TENM2: variants seen among roughly 807,000 people sequenced by gnomAD.
TENM2 encodes teneurin transmembrane protein 2.
Under a neutral mutation model 245.2 loss-of-function variants are expected in TENM2, and 52 were observed. That is an observed-to-expected ratio of 0.21 (90% confidence interval 0.17 to 0.27). The LOEUF (loss-of-function observed/expected upper bound fraction) is 0.27, where lower values mean the gene tolerates loss of function less well. Among genes scored for constraint, TENM2 ranks in the 10% least tolerant of loss-of-function variants. The pLI is 1.00. For missense variants in TENM2, 3,046 were observed against 3,666.8 expected, an observed-to-expected ratio of 0.83 and a Z score of 4.37; for synonymous variants, 1,363 against 1,438.9, an observed-to-expected ratio of 0.95 and a Z score of 1.19.
the TENM2 span, among the ~76,000 whole-genome samples, chr5:167,219,972 G>T: frequency 3.7e-4 from 57 of 152,256 alleles, no homozygotes; most frequent in African/African-American, 1.4e-3. Context: ...ATTGATTTGA[G>T]GTAGATAAAC....
intron 3 of TENM2, among the ~76,000 whole-genome samples, chr5:167,904,238 A>T (rs1775919026): frequency 6.6e-6 from 1 of 152,180 alleles, no homozygotes; most frequent in Admixed American, 6.6e-5. Flanking sequence ...TAGCTGAAGT[A>T]CACTGTGTGG....
At chr5:167,163,124 G>T in the TENM2 span, among the ~76,000 whole-genome samples, 5 of 151,878 alleles carry the variant, frequency 3.3e-5, no homozygotes, top group African/African-American at 1.2e-4. Flanking sequence ...CTTCAGAGGT[G>T]GGGGGTCTCA....
At chr5:167,494,005 C>T (rs960409078) in intron 2 of TENM2, among the ~76,000 whole-genome samples, 1 of 152,020 alleles carries the variant, frequency 6.6e-6, no homozygotes, top group South Asian at 2.1e-4. Context: ...AGACAATTTC[C>T]AGATGGAATC....
At chr5:167,699,886 A>G (rs184822456) in intron 2 of TENM2, among the ~76,000 whole-genome samples, 2 of 152,296 alleles carry the variant, frequency 1.3e-5, no homozygotes, top group East Asian at 3.9e-4. Context: ...CAAATGAGAA[A>G]CCTGAGGCTT....
chr5:167,993,901 A>G (rs1025829893), intron 5 of TENM2, among the ~76,000 whole-genome samples: 1 of 152,236 alleles, frequency 6.6e-6, no homozygotes, highest in African/African-American at 2.4e-5. Flanking sequence ...CTGCATGCCA[A>G]AGGTGTTGGT....
chr5:167,524,364 T>C (rs1257162377), intron 2 of TENM2, among the ~76,000 whole-genome samples: 7 of 152,168 alleles, frequency 4.6e-5, no homozygotes, highest in Non-Finnish European at 2.9e-5. Flanking sequence ...ATGTGAAGTG[T>C]TCAGAAGAGT....
At position 167,345,801 on chromosome 5, in the gene TENM2, G is replaced by A. The variant is rs1055894203; in HGVS notation, c.227-29397G>A. Among the ~76,000 whole-genome samples the A allele has an allele frequency of 5.4e-5, 8 of 149,268 alleles. No individual in the cohort carries two copies. In the South Asian group the frequency reaches 1.3e-3, roughly 24 times the overall value. The stretch of plus-strand genomic sequence containing the variant: ...TATTTGGCAACCTGCTGACCCTAGA[G>A]AACTTCTTTTTGAGAGGACACTTTT... On this transcript the variant is annotated intron_variant, in intron 1 of 28. Coordinates refer to ENST00000518659, the Ensembl canonical transcript of TENM2.
chr5:167,256,520 A>G, the TENM2 span, among the ~76,000 whole-genome samples: 1 of 152,314 alleles, frequency 6.6e-6, no homozygotes, highest in Admixed American at 6.5e-5. Context: ...AGATATTTAT[A>G]GCAGATGTAA....
At chr5:168,067,242 G>A (rs888880638) in intron 7 of TENM2, among the ~76,000 whole-genome samples, 8 of 152,158 alleles carry the variant, frequency 5.3e-5, no homozygotes, top group Non-Finnish European at 1.0e-4. Flanking sequence ...AGATTCTAGG[G>A]ATTGAATGGC....
chr5:168,067,275 G>A (rs1211362758), intron 7 of TENM2, among the ~76,000 whole-genome samples: 2 of 152,148 alleles, frequency 1.3e-5, no homozygotes, highest in South Asian at 2.1e-4. Context: ...GCAGATGCTG[G>A]TACCCCCTAA....
At chr5:168,217,965 A>G (rs1202937886) in intron 22 of TENM2, among the ~76,000 whole-genome samples, 160 bp from the exon 25 acceptor site, 2 of 152,156 alleles carry the variant, frequency 1.3e-5, no homozygotes, top group South Asian at 2.1e-4. Flanking sequence ...CCCACTCATC[A>G]TGGGCAATGA....
intron 2 of TENM2, among the ~76,000 whole-genome samples, chr5:167,734,697 T>C (rs976870272): frequency 2.6e-5 from 4 of 152,058 alleles, no homozygotes; most frequent in African/African-American, 9.7e-5. Context: ...GTGGGATGAT[T>C]AGCATAATCT....
the TENM2 span, among the ~76,000 whole-genome samples, chr5:167,097,274 C>A: frequency 6.6e-6 from 1 of 152,130 alleles, no homozygotes; most frequent in Admixed American, 6.5e-5. Flanking sequence ...ATGTTATTTA[C>A]AAAGAACTGC....
At chr5:167,622,236 G>C (rs576805358) in intron 2 of TENM2, among the ~76,000 whole-genome samples, 2 of 152,104 alleles carry the variant, frequency 1.3e-5, no homozygotes, top group Non-Finnish European at 2.9e-5. Flanking sequence ...AGGGAGACAT[G>C]ATGAGAAGCA....
chr5:167,663,716 A>G (rs752572770), intron 2 of TENM2, among the ~76,000 whole-genome samples: 47 of 152,144 alleles, frequency 3.1e-4, no homozygotes, highest in Non-Finnish European at 5.4e-4. Flanking sequence ...CTCATATTTT[A>G]ATCTCTGTGT....
chr5:167,765,956 G>T (rs958127414), intron 2 of TENM2, among the ~76,000 whole-genome samples: 2 of 152,120 alleles, frequency 1.3e-5, no homozygotes, highest in Admixed American at 6.5e-5. Context: ...TGACTTTGGG[G>T]ATCAAGCAAA....
At chr5:168,233,353 G>C (rs1466251552) in intron 25 of TENM2, among the ~76,000 whole-genome samples, 1 of 152,150 alleles carries the variant, frequency 6.6e-6, no homozygotes, top group African/African-American at 2.4e-5. Flanking sequence ...TTACATCATG[G>C]CATCTGTGAG....
intron 4 of TENM2, chr5:167,953,579 G>A (rs1212767047): frequency 6.6e-6 from 1 of 152,458 alleles, no homozygotes; most frequent in Non-Finnish European, 1.5e-5. Flanking sequence ...CTCTGTGTGG[G>A]TTGGCCAGAC....
At chr5:168,101,047 G>A (rs555007701) in intron 9 of TENM2, among the ~76,000 whole-genome samples, 1 of 152,236 alleles carries the variant, frequency 6.6e-6, no homozygotes, top group East Asian at 1.9e-4. Context: ...ATGGCAGGGG[G>A]CACATCAGCA....
Sources: gnomAD v4.1 joint callset for allele counts (sites outside exome capture counted in the v4.1 genomes callset) on GRCh38, gnomAD v4.1.1 for gene constraint, MANE v1.5 for transcripts, NCBI Gene and HGNC (gene_info 2026-07-23, HGNC 2026-07-21) for gene names.